Variants in ZNF346 observed in about 807,000 individuals in gnomAD.
The protein encoded by ZNF346 is double-stranded RNA-binding zinc finger protein JAZ.
Under a neutral mutation model 33.7 loss-of-function variants are expected in ZNF346, and 23 were observed. That is an observed-to-expected ratio of 0.68 (90% CI 0.49 to 0.97). The LOEUF (loss-of-function observed/expected upper bound fraction) is 0.97. Ranked by LOEUF, ZNF346 falls within the 50% of genes least tolerant of loss-of-function variation. ZNF346 has a pLI of 0.00. For synonymous variants in ZNF346, 134 were observed against 142.4 expected, an observed-to-expected ratio of 0.94 and a Z score of 0.42; for missense variants, 340 against 371.1, an observed-to-expected ratio of 0.92 and a Z score of 0.69.
At chr5:177,025,334 G>A (rs1776601715) in intron 1 of ZNF346, among the ~76,000 whole-genome samples, 1 of 152,144 alleles carries the variant, frequency 6.6e-6, no homozygotes, top group Non-Finnish European at 1.5e-5. Flanking sequence ...ATTGTTTCCA[G>A]TTTGGAGTTT....
At chr5:177,057,304 A>G (rs1416839708) in intron 5 of ZNF346, among the ~76,000 whole-genome samples, 1 of 140,892 alleles carries the variant, frequency 7.1e-6, no homozygotes, top group Admixed American at 7.5e-5. Context: ...CAAAAAAAAA[A>G]GACCTGTGTC....
In ZNF346 at chr5:177,033,813, G is replaced by A. The variant is rs113579202; in HGVS notation, c.176-7313G>A. On this transcript the variant is annotated intron_variant, in intron 1 of 6. Coordinates refer to ENST00000358149, the MANE Select transcript of ZNF346 (RefSeq NM_012279.4). Reference sequence around the variant, plus strand: ...GCTAGGATTACAGGCGTGAGCCACCGCACCTGGCCCAGTTGATGAATTTAT... The same window carrying A: ...GCTAGGATTACAGGCGTGAGCCACCACACCTGGCCCAGTTGATGAATTTAT... Among the ~76,000 whole-genome samples the A allele has an allele frequency of 7.2e-3, 1,100 of 152,188 alleles. 13 individuals are homozygous for A. The highest frequency in any genetic ancestry group is 0.024 in the African/African-American group (1,010 of 41,524).
At chr5:177,036,139 C>A (rs1483930902) in intron 1 of ZNF346, among the ~76,000 whole-genome samples, 1 of 151,980 alleles carries the variant, frequency 6.6e-6, no homozygotes, top group Non-Finnish European at 1.5e-5. Context: ...CATCTGGGAG[C>A]TAGAGCTGAA....
intron 1 of ZNF346, among the ~76,000 whole-genome samples, chr5:177,039,996 C>T (rs1009355452): frequency 1.1e-4 from 17 of 151,884 alleles, no homozygotes; most frequent in African/African-American, 3.4e-4. Flanking sequence ...CTGGCTAACA[C>T]GATGAAACCC....
At chr5:177,047,279 C>T (rs189208186) in intron 4 of ZNF346, among the ~76,000 whole-genome samples, 4 of 151,716 alleles carry the variant, frequency 2.6e-5, no homozygotes, top group Non-Finnish European at 5.9e-5. Context: ...GAACTCCTGG[C>T]CTCAAACAAT....
At chr5:177,063,945 G>A (rs556280589) in intron 6 of ZNF346, among the ~76,000 whole-genome samples, 1 of 152,248 alleles carries the variant, frequency 6.6e-6, no homozygotes, top group East Asian at 1.9e-4. Flanking sequence ...GCTATAATTT[G>A]TTGAATACCT....
chr5:177,075,966 C>T (rs1783726744), intron 8 of ZNF346, among the ~76,000 whole-genome samples: 1 of 152,168 alleles, frequency 6.6e-6, no homozygotes, highest in African/African-American at 2.4e-5. Flanking sequence ...GGATTACAGG[C>T]GTGAGCCACC....
intron 5 of ZNF346, among the ~76,000 whole-genome samples, chr5:177,053,455 G>A (rs1343704142): frequency 6.6e-6 from 1 of 151,888 alleles, no homozygotes; most frequent in South Asian, 2.1e-4. Flanking sequence ...CCAGCCTGCT[G>A]TTATCAAGTA....
intron 6 of ZNF346, among the ~76,000 whole-genome samples, chr5:177,064,076 C>G (rs528299904): frequency 6.6e-6 from 1 of 152,256 alleles, no homozygotes; most frequent in South Asian, 2.1e-4. Flanking sequence ...TCCCCAAGGT[C>G]ACTTAGTTAC....
At chr5:177,054,385 T>G (rs975044164) in intron 5 of ZNF346, among the ~76,000 whole-genome samples, 2 of 147,860 alleles carry the variant, frequency 1.4e-5, no homozygotes, top group African/African-American at 5.2e-5. Flanking sequence ...TATTTTTTAT[T>G]TATTTATTTA....
intron 3 of ZNF346, among the ~76,000 whole-genome samples, chr5:177,043,540 C>T (rs908654386): frequency 2.6e-5 from 4 of 151,946 alleles, no homozygotes; most frequent in African/African-American, 4.8e-5. Context: ...CTGAGGCAGG[C>T]GGATTGCTTG....
chr5:177,064,233 C>T (rs1782908343), intron 6 of ZNF346, among the ~76,000 whole-genome samples: 1 of 152,202 alleles, frequency 6.6e-6, no homozygotes, highest in Non-Finnish European at 1.5e-5. Context: ...CCTGAACCTA[C>T]CACCTAAAAA....
At chr5:177,036,721 A>G (rs1050322038) in intron 1 of ZNF346, among the ~76,000 whole-genome samples, 2 of 152,066 alleles carry the variant, frequency 1.3e-5, no homozygotes, top group Non-Finnish European at 2.9e-5. Flanking sequence ...TCCATCAACA[A>G]TATTGCTACA....
intron 1 of ZNF346, chr5:177,023,226 G>A (rs1470803629): frequency 1.3e-6 from 2 of 1,536,294 alleles, no homozygotes; most frequent in Admixed American, 3.9e-5. Flanking sequence ...TACAGTCTTT[G>A]CCATCCCGGT....
chr5:177,035,462 ATT>A (rs750860460), intron 1 of ZNF346, among the ~76,000 whole-genome samples: 8 of 142,842 alleles, frequency 5.6e-5, no homozygotes, highest in Admixed American at 7.0e-5. Flanking sequence ...AATTTTGACA[ATT>A]TTTTTTTTTT....
At chr5:177,023,079 G>A (rs1039686483) in intron 1 of ZNF346, 166 bp downstream of exon 1, 1 of 1,433,422 alleles carries the variant, frequency 7.0e-7, no homozygotes, top group African/African-American at 1.4e-5. Context: ...CCAAGAATCG[G>A]GCCCCCAGCG....
chr5:177,056,146 G>A (rs1358326073), intron 5 of ZNF346, among the ~76,000 whole-genome samples: 3 of 151,640 alleles, frequency 2.0e-5, no homozygotes, highest in Non-Finnish European at 4.4e-5. Flanking sequence ...TCAGGAGGCT[G>A]AGTCAGGAGA....
intron 1 of ZNF346, among the ~76,000 whole-genome samples, chr5:177,037,636 C>T (rs934589782): frequency 3.3e-5 from 5 of 152,132 alleles, no homozygotes; most frequent in Non-Finnish European, 7.3e-5. Context: ...CAAATTCATT[C>T]ACTTTTCTCC....
downstream of ZNF346, among the ~76,000 whole-genome samples, chr5:177,068,246 C>T (rs530430649): frequency 1.3e-3 from 181 of 144,090 alleles, 20 homozygotes; most frequent in South Asian, 0.037. Flanking sequence ...CCAAGTCCCT[C>T]CATTTTTCTC....
Sources: allele counts gnomAD v4.1 joint callset (sites outside exome capture counted in the v4.1 genomes callset), GRCh38; gene constraint gnomAD v4.1.1; transcripts MANE v1.5; gene names NCBI Gene and HGNC (gene_info 2026-07-23, HGNC 2026-07-21).